The following ALDH16A1 variants were observed in gnomAD, a reference collection of about 807,000 sequenced individuals.
ALDH16A1 encodes aldehyde dehydrogenase family 16 member A1.
In ALDH16A1, 88 loss-of-function variants were observed where a neutral mutation model predicts 96.1. The observed-to-expected ratio is 0.92, with a 90% confidence interval of 0.77 to 1.09. The LOEUF (loss-of-function observed/expected upper bound fraction) is 1.09. Ranked by LOEUF, ALDH16A1 falls within the 50% of genes least tolerant of loss-of-function variation. The probability of loss-of-function intolerance (pLI) is 0.00; values close to 1 mark genes in which losing one functional copy is unlikely to be tolerated. For missense variants in ALDH16A1, 1,250 were observed against 1,112.6 expected (o/e 1.12, Z -1.76); for synonymous variants, 522 against 496.4 (o/e 1.05, Z -0.69).
chr19:49,462,982 T>C (rs1200589215), intron 8 of ALDH16A1, among the ~76,000 whole-genome samples: 1 of 61,430 alleles, frequency 1.6e-5, no homozygotes, highest in Non-Finnish European at 2.9e-5. Context: ...GAGGAGGGGC[T>C]GGGGCCTGGA....
In ALDH16A1 at chr19:49,468,070, G is replaced by A. The variant is rs1317632144; in HGVS notation, c.1939-311G>A. Among the ~76,000 whole-genome samples, 1 of 150,580 alleles carries A rather than the reference G, an allele frequency of 6.6e-6. No homozygotes were observed. The highest frequency in any genetic ancestry group is 2.0e-4 in the East Asian group (1 of 5,098). ...AGCTACTCAGGAGACTGAGGCAGGA[G>A]AATGGCGTGAACCCGGGAGGCGGAG... On this transcript the variant is annotated intron_variant, in intron 14 of 16. Transcript: ENST00000293350. This position sits in a 1 kb window ranked among gnomAD's most constrained non-coding sequence, Gnocchi z 4.4.
In ALDH16A1 at chr19:49,459,144, C is replaced by A; in HGVS notation, c.320+58C>A. 2 of 1,568,930 alleles carry A rather than the reference C, an allele frequency of 1.3e-6. No individual in the cohort carries two copies. Among genetic ancestry groups the A allele is most frequent in the South Asian group, 1.1e-5 (1 of 88,268 alleles). On this transcript the variant is annotated intron_variant, in intron 3 of 16. Transcript: ENST00000293350. The surrounding 1 kb of genome is among the most constrained non-coding windows in gnomAD (Gnocchi z 4.1). ...GGGGAACCCCAGCATCCACTCGAGACCATGGGAACAAAGGCTATTTCCCAA... is the reference window on the plus strand; with the variant it reads ...GGGGAACCCCAGCATCCACTCGAGAACATGGGAACAAAGGCTATTTCCCAA...
intron 4 of ALDH16A1, among the ~76,000 whole-genome samples, chr19:49,460,324 C>T (rs1429148569): frequency 6.6e-6 from 1 of 152,048 alleles, no homozygotes; most frequent in Non-Finnish European, 1.5e-5. Context: ...ACTGATACCT[C>T]GACCTCCTGG....
At chr19:49,456,080 TC>T (rs2079103397) in intron 1 of ALDH16A1, among the ~76,000 whole-genome samples, 1 of 152,202 alleles carries the variant, frequency 6.6e-6, no homozygotes, top group African/African-American at 2.4e-5. Flanking sequence ...TTCTCAGGCC[TC>T]CTGGAACCCT....
In ALDH16A1 at chr19:49,468,945, C is replaced by T; in HGVS notation, c.2206C>T (p.His736Tyr). ...CCATCTGACCCGCTGCCTGGCCTTG[C>T]ACCAAGACGTCCAGGCCATGTGGTA... ...RDHLTRCLALHQDVQAMWYFG... is the reference protein window; with the variant it reads ...RDHLTRCLALYQDVQAMWYFG... Residue 736 changes from histidine to tyrosine, a missense_variant, in exon 16 of 17, where the codon CAC becomes TAC. Coordinates refer to ENST00000293350, the MANE Select transcript of ALDH16A1 (RefSeq NM_153329.4). The surrounding 1 kb of genome is among the most constrained non-coding windows in gnomAD (Gnocchi z 4.4). 6.2e-7 allele frequency: 1 copy of T among 1,614,038 alleles called. No homozygotes were observed. The highest frequency in any genetic ancestry group is 8.5e-7 in the Non-Finnish European group (1 of 1,179,978).
chr19:49,470,586 C>T lies in ALDH16A1; in HGVS notation c.*119C>T. On this transcript the variant is annotated 3_prime_UTR_variant, in exon 17 of 17. Coordinates refer to ENST00000293350, the MANE Select transcript of ALDH16A1 (RefSeq NM_153329.4). ...TCTCCCAATAAACTCTCTGACCAAC[C>T]CTAGCTGTGCTTCTGCGAGAAGAAA... The T allele has an allele frequency of 8.8e-7, 1 of 1,133,504 alleles. No individual in the cohort carries two copies. Among genetic ancestry groups the T allele is most frequent in the Non-Finnish European group, 1.2e-6 (1 of 860,904 alleles). The allele number at this position is 1,133,504 out of a possible 1,614,324, so 70.2% of individuals were successfully genotyped here.
intron 8 of ALDH16A1, 114 bp downstream of exon 8, chr19:49,462,869 G>C (rs1486403649): frequency 1.4e-6 from 1 of 699,404 alleles, no homozygotes; most frequent in African/African-American, 3.2e-5. Context: ...CGAGGAAGGA[G>C]GGGCTGGGAG....
In ALDH16A1 at chr19:49,461,755, C is replaced by T. The variant is rs764105352; in HGVS notation, c.714C>T (p.Ala238=). 3 of 1,611,026 alleles carry T rather than the reference C, an allele frequency of 1.9e-6. No homozygotes were observed. Among genetic ancestry groups the T allele is most frequent in the South Asian group, 1.1e-5 (1 of 90,604 alleles). The change falls in exon 6 of 17, where the codon GCC becomes GCT. Residue 238 remains alanine, a synonymous_variant. Coordinates refer to ENST00000293350, the MANE Select transcript of ALDH16A1 (RefSeq NM_153329.4). ...SGPASLVPIL[A]SQPGIRKVAF... ...CTGCGTCCCTGGTGCCCATCCTGGC[C>T]TCCCAGCCTGGAATCCGGAAGGTGG...
Position 49,459,676 on chromosome 19 carries a change from C to T in ALDH16A1, c.327C>T (p.Ala109=), listed in dbSNP as rs767796564. ...VVRAQHLTRL[A]EVIQKHQRLL... The stretch of plus-strand genomic sequence containing the variant: ...CCTCTTGCTTTCTCGACAGGCTGGC[C>T]GAGGTGATCCAGAAGCACCAGCGGC... Residue 109 remains alanine (A), a synonymous_variant, in exon 4 of 17, where the codon GCC becomes GCT. Coordinates refer to ENST00000293350, the MANE Select transcript of ALDH16A1 (RefSeq NM_153329.4). This position sits in a 1 kb window ranked among gnomAD's most constrained non-coding sequence, Gnocchi z 4.1. 4.4e-6 allele frequency: 7 copies of T among 1,606,676 alleles called. No homozygotes were observed. In the South Asian group the frequency reaches 4.4e-5, roughly 10 times the overall value.
chr19:49,461,821 G>T (rs370664241), intron 6 of ALDH16A1, 21 bp downstream of exon 6: 2 of 1,606,554 alleles, frequency 1.2e-6, no homozygotes, highest in South Asian at 1.1e-5. Context: ...GACAGGGGTC[G>T]TGGCGGAACG....
intron 12 of ALDH16A1, 95 bp from the exon 13 acceptor site, chr19:49,465,643 C>T (rs2079191134): frequency 6.9e-6 from 10 of 1,438,860 alleles, no homozygotes; most frequent in Middle Eastern, 1.8e-4. Context: ...CCCAGAGGCT[C>T]ACGGGAGCCA....
At position 49,458,492 on chromosome 19, in the gene ALDH16A1, C is replaced by G; in HGVS notation, c.97C>G (p.Leu33Val). ...CTGTCTCTACCTCCCCCAGGCCTGGCTGGACACCCAGGACCGGTGCTTGGG... is the reference window on the plus strand; with the variant it reads ...CTGTCTCTACCTCCCCCAGGCCTGGGTGGACACCCAGGACCGGTGCTTGGG... ...PESHACALAW[L>V]DTQDRCLGHY... Residue 33 changes from leucine (L) to valine (V), a missense_variant, in exon 2 of 17, where the codon CTG (leucine) becomes GTG (valine). Transcript: ENST00000293350. 1 of 1,560,714 alleles carries G rather than the reference C, an allele frequency of 6.4e-7. No individual in the cohort carries two copies. Among genetic ancestry groups the G allele is most frequent in the Non-Finnish European group, 8.7e-7 (1 of 1,150,812 alleles).
At chr19:49,455,287 G>A (rs2079098462) in intron 1 of ALDH16A1, among the ~76,000 whole-genome samples, 2 of 146,376 alleles carry the variant, frequency 1.4e-5, no homozygotes. Context: ...GTGGTGGCAG[G>A]CACCTGTAAT....
In ALDH16A1 at chr19:49,459,375, G is replaced by A. The variant is rs2079124430; in HGVS notation, c.320+289G>A. On this transcript the variant is annotated intron_variant, in intron 3 of 16. Coordinates refer to ENST00000293350, the MANE Select transcript of ALDH16A1 (RefSeq NM_153329.4). This position sits in a 1 kb window ranked among gnomAD's most constrained non-coding sequence, Gnocchi z 4.1. Reference sequence around the variant, plus strand: ...TAAATCCATTTCCTAGCCGCTTGCGGGGAAGCTAGAGACAAAAATTCCATT... The same window carrying A: ...TAAATCCATTTCCTAGCCGCTTGCGAGGAAGCTAGAGACAAAAATTCCATT... 6.6e-6 allele frequency among the ~76,000 whole-genome samples: 1 copy of A among 152,210 alleles called. No individual in the cohort carries two copies. Among genetic ancestry groups the A allele is most frequent in the Admixed American group, 6.5e-5 (1 of 15,278 alleles).
intron 13 of ALDH16A1, 76 bp from the exon 14 acceptor site, chr19:49,466,006 G>A: frequency 6.5e-7 from 1 of 1,540,210 alleles, no homozygotes; most frequent in Non-Finnish European, 8.8e-7. Context: ...CCAGGGTAGG[G>A]GCTGTGGACA....
intron 12 of ALDH16A1, 27 bp downstream of exon 12, chr19:49,464,789 G>C: frequency 6.2e-7 from 1 of 1,613,060 alleles, no homozygotes; most frequent in South Asian, 1.1e-5. Context: ...CAGTGGTCTG[G>C]GAGTGTGAAC....
chr19:49,463,859 C>G lies in ALDH16A1; in HGVS notation c.1104C>G (p.Phe368Leu), dbSNP rs1474852149. Residue 368 changes from phenylalanine to leucine, a missense_variant, in exon 9 of 17, where the codon TTC (phenylalanine) becomes TTG (leucine). Phe to Leu is a conservative substitution (Grantham distance 22, BLOSUM62 0). Coordinates refer to ENST00000293350, the MANE Select transcript of ALDH16A1 (RefSeq NM_153329.4). ...REAQSQGAQV[F>L]QAGDVPSERP... ...TAGATCATTTCTCTCCCTAGGTGTTCCAGGCTGGTGATGTGCCTTCGGAAC... is the reference window on the plus strand; with the variant it reads ...TAGATCATTTCTCTCCCTAGGTGTTGCAGGCTGGTGATGTGCCTTCGGAAC... 1 of 1,612,858 alleles carries G rather than the reference C, an allele frequency of 6.2e-7. No individual in the cohort carries two copies. The highest frequency in any genetic ancestry group is 1.3e-5 in the African/African-American group (1 of 74,834).
In ALDH16A1 at chr19:49,462,762, C is replaced by T; in HGVS notation, c.1098+7C>T. 1.3e-6 allele frequency: 2 copies of T among 1,564,934 alleles called. No individual in the cohort carries two copies. Among genetic ancestry groups the T allele is most frequent in the Non-Finnish European group, 1.7e-6 (2 of 1,157,320 alleles). The stretch of plus-strand genomic sequence containing the variant: ...CCAGAGCCAGGGTGCACAGGTGAGG[C>T]AGGGGGTAGAGACTTGAGGGTGTCA... On this transcript the variant is annotated splice_region_variant and intron_variant, in intron 8 of 16. Coordinates refer to ENST00000293350, the MANE Select transcript of ALDH16A1 (RefSeq NM_153329.4).
chr19:49,460,793 G>C, intron 4 of ALDH16A1, 29 bp from the exon 5 acceptor site: 1 of 1,599,732 alleles, frequency 6.3e-7, no homozygotes, highest in Non-Finnish European at 8.6e-7. Context: ...AGCCTCAAGG[G>C]ATCCTCTTGC....
Sources: allele counts gnomAD v4.1 joint callset (sites outside exome capture counted in the v4.1 genomes callset), GRCh38; gene constraint gnomAD v4.1.1; non-coding constraint Gnocchi (gnomAD v3.1); transcripts MANE v1.5; gene names NCBI Gene and HGNC (gene_info 2026-07-23, HGNC 2026-07-21).